Variants in SENP5 observed in about 807,000 individuals in gnomAD.
SENP5 encodes sentrin-specific protease 5.
A neutral mutation model predicts 74.2 loss-of-function variants in SENP5; 21 were observed. The ratio of observed to expected loss-of-function variants is 0.28; its 90% confidence interval spans 0.20 to 0.41. The LOEUF is 0.41. Among genes scored for constraint, SENP5 ranks in the 10% least tolerant of loss-of-function variants. SENP5 has a pLI of 1.00. For synonymous variants in SENP5, 311 were observed against 312.7 expected, an observed-to-expected ratio of 0.99 and a Z score of 0.06; for missense variants, 717 against 889.1, an observed-to-expected ratio of 0.81 and a Z score of 2.46.
intron 6 of SENP5, chr3:196,913,979 C>T (rs983807671): frequency 6.6e-6 from 1 of 152,078 alleles, no homozygotes; most frequent in Non-Finnish European, 1.5e-5. Context: ...TAAAAAGTTG[C>T]ATAACTTCAC....
chr3:196,905,269 A>C (rs1007646980), intron 6 of SENP5: 1 of 152,180 alleles, frequency 6.6e-6, no homozygotes, highest in Admixed American at 6.5e-5. Flanking sequence ...CTGTCACACC[A>C]CAACAGTAGT....
chr3:196,874,069 G>A (rs577897863), intron 1 of SENP5, among the ~76,000 whole-genome samples: 12 of 149,760 alleles, frequency 8.0e-5, no homozygotes, highest in African/African-American at 2.7e-4. Context: ...AGAAGGCTAA[G>A]TCAGGAGGAT....
At chr3:196,920,570 G>A (rs1411722816) in intron 6 of SENP5, among the ~76,000 whole-genome samples, 1 of 152,216 alleles carries the variant, frequency 6.6e-6, no homozygotes, top group Non-Finnish European at 1.5e-5. Flanking sequence ...TTGAATAGAA[G>A]TAATGAGAGA....
intron 1 of SENP5, among the ~76,000 whole-genome samples, chr3:196,869,084 A>T (rs574857883): frequency 5.9e-5 from 9 of 151,788 alleles, no homozygotes. Flanking sequence ...GGGATGGCTT[A>T]TATCAGTTTT....
At position 196,886,156 on chromosome 3, in the gene SENP5, T is replaced by G. The variant is rs1560143317; in HGVS notation, c.975T>G (p.Asp325Glu). The change falls in exon 2 of 10, where the codon GAT (aspartate) becomes GAG (glutamate). Residue 325 changes from aspartate (D) to glutamate (E), a missense_variant. Physicochemically the swap from Asp to Glu is conservative, Grantham distance 45 (BLOSUM62 2). Transcript: ENST00000323460. ...VVKGTNSHVPDCHTKGSSFLG... is the reference protein window; with the variant it reads ...VVKGTNSHVPECHTKGSSFLG... ...AGGGGACGAACTCTCATGTGCCTGA[T>G]TGCCACACTAAAGGAAGCTCTTTCT... 6.2e-7 allele frequency: 1 copy of G among 1,614,204 alleles called. No individual in the cohort carries two copies. Among genetic ancestry groups the G allele is most frequent in the African/African-American group, 1.3e-5 (1 of 75,056 alleles).
chr3:196,900,478 G>A lies in SENP5; in HGVS notation c.1806+66G>A, dbSNP rs9846793. 339 of 1,369,100 alleles carry A rather than the reference G, an allele frequency of 2.5e-4. No homozygotes were observed. The African/African-American group carries it at 4.5e-3, about 18-fold the overall frequency. 84.8% of individuals were successfully genotyped at this position (1,369,100 alleles called of 1,614,324 possible). Reference sequence around the variant, plus strand: ...GTGTATTAAAATGAGTAGTTTTTTTGTTTTTACATTTGATGTAATTATCTG... The same window carrying A: ...GTGTATTAAAATGAGTAGTTTTTTTATTTTTACATTTGATGTAATTATCTG... On this transcript the variant is annotated intron_variant, in intron 5 of 9. Transcript: ENST00000323460.
rs1716174281 is a variant in SENP5, at chr3:196,934,597, A to C, written c.*3674A>C. 1 of 152,254 alleles carries C rather than the reference A, an allele frequency of 6.6e-6. No individual in the cohort carries two copies. Among genetic ancestry groups the C allele is most frequent in the Admixed American group, 6.5e-5 (1 of 15,290 alleles). The allele number at this position is 152,254 out of a possible 1,614,324, so 9.4% of individuals were successfully genotyped here. A position where few individuals can be genotyped will look rare whatever the true frequency, so the allele number is the denominator to read the frequency against. ...CAGACCTAGACGAGCTGTTCACTTAACTGGTACCTGTTGGTCAGAAAAAGA... is the reference window on the plus strand; with the variant it reads ...CAGACCTAGACGAGCTGTTCACTTACCTGGTACCTGTTGGTCAGAAAAAGA... On this transcript the variant is annotated 3_prime_UTR_variant, in exon 10 of 10. Transcript: ENST00000323460.
intron 6 of SENP5, among the ~76,000 whole-genome samples, chr3:196,915,553 T>A (rs1354492603): frequency 6.6e-6 from 1 of 152,148 alleles, no homozygotes; most frequent in Non-Finnish European, 1.5e-5. Context: ...GGACCTTGAA[T>A]AAATATCAGC....
chr3:196,870,925 C>T (rs1229476119), intron 1 of SENP5, among the ~76,000 whole-genome samples: 1 of 151,696 alleles, frequency 6.6e-6, no homozygotes, highest in Non-Finnish European at 1.5e-5. Context: ...AATCCCAGCA[C>T]TTTGGGAGGC....
intron 1 of SENP5, among the ~76,000 whole-genome samples, chr3:196,878,370 A>T (rs949133926): frequency 1.3e-5 from 2 of 152,148 alleles, no homozygotes; most frequent in Non-Finnish European, 2.9e-5. Flanking sequence ...CTGGAGTAGA[A>T]AACGATTATT....
chr3:196,870,899 G>A (rs147646729), intron 1 of SENP5, among the ~76,000 whole-genome samples: 107 of 152,082 alleles, frequency 7.0e-4, no homozygotes, highest in African/African-American at 2.2e-3. Context: ...GGCTTGGTGC[G>A]GTGGCTCATG....
At position 196,932,423 on chromosome 3, in the gene SENP5, G is replaced by C. The variant is rs186438298; in HGVS notation, c.*1500G>C. On this transcript the variant is annotated 3_prime_UTR_variant, in exon 10 of 10. Coordinates refer to ENST00000323460, the MANE Select transcript of SENP5 (RefSeq NM_152699.5). ...CTGACTGCCAGCAGTTGAGGATTGA[G>C]TCCGACCATGTTTACATGCAGGGTT... The C allele has an allele frequency of 1.3e-5, 2 of 152,394 alleles. No individual in the cohort carries two copies. Among genetic ancestry groups the C allele is most frequent in the Admixed American group, 1.3e-4 (2 of 15,272 alleles). 9.4% of individuals were successfully genotyped at this position (152,394 alleles called of 1,614,324 possible).
intron 3 of SENP5, 50 bp downstream of exon 3, chr3:196,899,821 T>C: frequency 6.4e-7 from 1 of 1,561,424 alleles, no homozygotes; most frequent in Non-Finnish European, 8.8e-7. Context: ...ATTTTTGGCA[T>C]ATATGACTTT....
chr3:196,923,624 C>G, intron 7 of SENP5, 73 bp downstream of exon 7: 1 of 1,015,280 alleles, frequency 9.8e-7, no homozygotes, highest in Non-Finnish European at 1.5e-6. Flanking sequence ...CTAGATAGAA[C>G]AGCAGCAGTC....
At chr3:196,900,647 G>T (rs182746912) in intron 5 of SENP5, among the ~76,000 whole-genome samples, 2 of 152,102 alleles carry the variant, frequency 1.3e-5, no homozygotes, top group Non-Finnish European at 2.9e-5. Context: ...GTGCAGTGGC[G>T]TGATCTCGGC....
chr3:196,911,675 TGG>T (rs1715139099), intron 6 of SENP5, among the ~76,000 whole-genome samples: 2 of 151,108 alleles, frequency 1.3e-5, no homozygotes, highest in Non-Finnish European at 2.9e-5. Context: ...GCAGTTGTGG[TGG>T]TGGGGGCCTG....
At chr3:196,872,140 G>T (rs1051848513) in intron 1 of SENP5, among the ~76,000 whole-genome samples, 2 of 152,122 alleles carry the variant, frequency 1.3e-5, no homozygotes, top group Non-Finnish European at 2.9e-5. Flanking sequence ...TTAAGGGGCT[G>T]TTTAGGCTTG....
chr3:196,916,829 A>T (rs577244848), intron 6 of SENP5, among the ~76,000 whole-genome samples: 1 of 151,162 alleles, frequency 6.6e-6, no homozygotes, highest in East Asian at 1.9e-4. Context: ...AGATTGACAT[A>T]TTTTTTTAAA....
At position 196,885,405 on chromosome 3, in the gene SENP5, C is replaced by A. The variant is rs11556761; in HGVS notation, c.224C>A (p.Pro75His). 1 of 1,614,072 alleles carries A rather than the reference C, an allele frequency of 6.2e-7. No homozygotes were observed. The highest frequency in any genetic ancestry group is 8.5e-7 in the Non-Finnish European group (1 of 1,180,008). The part of the protein sequence containing the change: ...QIQKTWIKDE[P>H]LCAKTKFNVA... ...CAGAAAACGTGGATCAAGGATGAAC[C>A]CCTTTGTGCTAAGACCAAGTTCAAT... The change falls in exon 2 of 10, where the codon CCC (proline) becomes CAC (histidine). Residue 75 changes from proline to histidine, a missense_variant. Around this residue, in one of 4 missense-constraint regions of SENP5, gnomAD observed 567 missense variants for 577.4 expected, o/e 0.98. Transcript: ENST00000323460.
Sources: allele counts gnomAD v4.1 joint callset (sites outside exome capture counted in the v4.1 genomes callset), GRCh38; gene constraint gnomAD v4.1.1; regional missense constraint gnomAD v4.1.1; transcripts MANE v1.5; gene names NCBI Gene and HGNC (gene_info 2026-07-23, HGNC 2026-07-21).